ENOSF1: variants seen among roughly 807,000 people sequenced by gnomAD.
ENOSF1 encodes mitochondrial enolase superfamily member 1.
In ENOSF1, 73 loss-of-function variants were observed where a neutral mutation model predicts 68.2. The ratio of observed to expected loss-of-function variants is 1.07; its 90% CI spans 0.89 to 1.30. The LOEUF (loss-of-function observed/expected upper bound fraction) is 1.30, where lower values mean the gene tolerates loss of function less well. ENOSF1 is among the 50% of genes most tolerant of loss of function. ENOSF1 has a pLI of 0.00. For missense variants in ENOSF1, 589 were observed against 554.5 expected, an observed-to-expected ratio of 1.06 and a Z score of -0.62; for synonymous variants, 223 against 210.4, an observed-to-expected ratio of 1.06 and a Z score of -0.52.
chr18:669,277 T>G, downstream of ENOSF1: 1 of 853,546 alleles, frequency 1.2e-6, no homozygotes. Flanking sequence ...CCTGGGAACT[T>G]CCCCCAGCCA....
chr18:690,004 A>C (rs2076988014), intron 8 of ENOSF1, among the ~76,000 whole-genome samples: 1 of 152,126 alleles, frequency 6.6e-6, no homozygotes, highest in Non-Finnish European at 1.5e-5. Context: ...GAGAGCTTCC[A>C]GGTTGGTGAA....
chr18:691,181 T>A (rs369557246), intron 6 of ENOSF1, 23 bp downstream of exon 6: 2 of 1,613,908 alleles, frequency 1.2e-6, no homozygotes, highest in African/African-American at 1.3e-5. Flanking sequence ...ACGTCGTGTA[T>A]CCCAGAAAGC....
Position 697,323 on chromosome 18 carries a change from C to A in ENOSF1, c.226G>T (p.Val76Leu). The change falls in exon 3 of 16, where the codon GTG becomes TTG. Residue 76 changes from valine (V) to leucine (L), a missense_variant. Coordinates refer to ENST00000647584, the MANE Select transcript of ENOSF1 (RefSeq NM_017512.7). ...ATGTCCTTGAGGTCCTTGTTGAGCA[C>A]ATGGTGGGCGAGGGCATTCACAGCA... ...VCAVNALAHHVLNKDLKDIVG... is the reference protein window; with the variant it reads ...VCAVNALAHHLLNKDLKDIVG... 1 of 1,613,974 alleles carries A rather than the reference C, an allele frequency of 6.2e-7. No individual in the cohort carries two copies. The highest frequency in any genetic ancestry group is 8.5e-7 in the Non-Finnish European group (1 of 1,179,928).
Position 679,653 on chromosome 18 carries a change from G to C in ENOSF1, c.877-916C>G, listed in dbSNP as rs74198211. 0.018 allele frequency among the ~76,000 whole-genome samples: 2,714 copies of C among 152,018 alleles called. 168 individuals are homozygous for C. In the East Asian group the frequency reaches 0.24, roughly 13 times the overall value. On this transcript the variant is annotated intron_variant, in intron 11 of 15. Coordinates refer to ENST00000647584, the MANE Select transcript of ENOSF1 (RefSeq NM_017512.7). ...CTGAGACCATTGCTCACCTGGTAGA[G>C]TCCTCACCTGGTGAGGTACTGGACT...
intron 2 of ENOSF1, among the ~76,000 whole-genome samples, chr18:702,939 A>T (rs2145364982): frequency 6.6e-6 from 1 of 152,296 alleles, no homozygotes; most frequent in Non-Finnish European, 1.5e-5. Context: ...CTATTTTTTT[A>T]AATCATAAAC....
chr18:682,881 TCAAAACAAAA>T (rs71363253), intron 11 of ENOSF1: 5 of 182,264 alleles, frequency 2.7e-5, no homozygotes, highest in East Asian at 1.6e-4. Flanking sequence ...AGACTCTATC[TCAAAACAAAA>T]CAAAACAAAA....
intron 3 of ENOSF1, among the ~76,000 whole-genome samples, chr18:694,564 G>A (rs2077525015): frequency 1.3e-5 from 2 of 151,146 alleles, no homozygotes; most frequent in Non-Finnish European, 2.9e-5. Context: ...GAAGGCGGAG[G>A]TTGCAGTGAG....
At chr18:712,284 A>C in intron 1 of ENOSF1, 12 of 1,530,092 alleles carry the variant, frequency 7.8e-6, no homozygotes, top group South Asian at 3.6e-5. Flanking sequence ...ATGGGTTCGA[A>C]GTCGGGAAGC....
intron 9 of ENOSF1, chr18:686,209 ACT>A: frequency 1.9e-6 from 1 of 539,694 alleles, no homozygotes; most frequent in South Asian, 2.7e-5. Context: ...CAGGGCAATG[ACT>A]CTCAATTATC....
chr18:668,093 A>G (rs1465798166), downstream of ENOSF1, among the ~76,000 whole-genome samples: 3 of 146,734 alleles, frequency 2.0e-5, no homozygotes, highest in Non-Finnish European at 4.4e-5. Flanking sequence ...ATACATTCAC[A>G]TTGGTGCATT....
intron 2 of ENOSF1, among the ~76,000 whole-genome samples, chr18:702,993 G>A (rs112456552): frequency 6.6e-6 from 1 of 152,128 alleles, no homozygotes; most frequent in Admixed American, 6.6e-5. Flanking sequence ...TGAGCTAATG[G>A]AATTTTTCAT....
intron 5 of ENOSF1, chr18:693,595 C>T: frequency 1.0e-6 from 1 of 985,402 alleles, no homozygotes; most frequent in Non-Finnish European, 1.2e-6. Flanking sequence ...TTGTCATAGT[C>T]AGGCAATGGA....
At chr18:690,681 G>A (rs1393650890) in intron 7 of ENOSF1, 50 bp from the exon 8 acceptor site, 1 of 1,248,214 alleles carries the variant, frequency 8.0e-7, no homozygotes, top group Non-Finnish European at 1.1e-6. Flanking sequence ...GGGCCCTTCG[G>A]AATTGGAAGT....
intron 11 of ENOSF1, among the ~76,000 whole-genome samples, chr18:679,816 G>C (rs899604881): frequency 1.3e-5 from 2 of 152,160 alleles, no homozygotes; most frequent in African/African-American, 4.8e-5. Context: ...ACTCCGCACA[G>C]GTAGCCTTGG....
At chr18:680,676 G>GTTTTTTT in intron 11 of ENOSF1, among the ~76,000 whole-genome samples, 1 of 101,040 alleles carries the variant, frequency 9.9e-6, no homozygotes, top group Non-Finnish European at 1.9e-5. Flanking sequence ...ATGCTGTTGT[G>GTTTTTTT]TTTTTTTTTT....
At chr18:691,004 A>C in intron 7 of ENOSF1, 64 bp downstream of exon 7, 2 of 1,554,186 alleles carry the variant, frequency 1.3e-6, no homozygotes, top group Non-Finnish European at 1.8e-6. Context: ...CCCCAAAAGG[A>C]CAGGGGCACT....
intron 1 of ENOSF1, among the ~76,000 whole-genome samples, chr18:711,224 A>T (rs2079499995): frequency 6.6e-6 from 1 of 152,244 alleles, no homozygotes; most frequent in Non-Finnish European, 1.5e-5. Context: ...ATAAAAATTT[A>T]AAAATGCAGG....
At chr18:693,681 C>T (rs2077431953) in intron 5 of ENOSF1, 1 of 985,286 alleles carries the variant, frequency 1.0e-6, no homozygotes, top group Admixed American at 6.1e-5. Context: ...TCCCCTCATG[C>T]CACCCTGCCT....
downstream of ENOSF1, chr18:669,315 G>C: frequency 5.2e-6 from 3 of 579,946 alleles, no homozygotes; most frequent in Middle Eastern, 2.9e-4. Flanking sequence ...CGTTGGGCAA[G>C]TCACATTTTG....
Sources: allele counts gnomAD v4.1 joint callset (sites outside exome capture counted in the v4.1 genomes callset), GRCh38; gene constraint gnomAD v4.1.1; transcripts MANE v1.5; gene names NCBI Gene and HGNC (gene_info 2026-07-23, HGNC 2026-07-21).